DACH1: variants seen among roughly 807,000 people sequenced by gnomAD.
DACH1 encodes the protein dachshund homolog 1.
A neutral mutation model predicts 54.2 loss-of-function variants in DACH1; 12 were observed. The observed-to-expected ratio is 0.22, with a 90% CI of 0.14 to 0.36. DACH1 has a LOEUF of 0.36. Ranked by LOEUF, DACH1 falls within the 10% of genes least tolerant of loss-of-function variation. The pLI is 1.00. For synonymous variants in DACH1, 386 were observed against 366.2 expected, an observed-to-expected ratio of 1.05 and a Z score of -0.62; for missense variants, 805 against 929.8, an observed-to-expected ratio of 0.87 and a Z score of 1.75.
At chr13:71,619,269 A>ATGT (rs1876025154) in intron 3 of DACH1, among the ~76,000 whole-genome samples, 1 of 151,976 alleles carries the variant, frequency 6.6e-6, no homozygotes. Flanking sequence ...ATGTGTAACA[A>ATGT]ACACATTGAT....
chr13:71,466,904 C>T (rs1478503527), intron 10 of DACH1, among the ~76,000 whole-genome samples: 5 of 149,808 alleles, frequency 3.3e-5, no homozygotes. Flanking sequence ...ATCATTATGC[C>T]TAAATTTTCT....
chr13:71,681,992 G>C, intron 1 of DACH1, 82 bp from the exon 2 acceptor site: 1 of 746,026 alleles, frequency 1.3e-6, no homozygotes, highest in East Asian at 2.8e-5. Flanking sequence ...TGGTAACATG[G>C]ACTGTAAATA....
intron 1 of DACH1, among the ~76,000 whole-genome samples, chr13:71,704,961 AAAAAATAAAATAC>A (rs1363018284): frequency 6.6e-6 from 1 of 152,202 alleles, no homozygotes; most frequent in Non-Finnish European, 1.5e-5. Flanking sequence ...AAAATAATTA[AAAAAATAAAATAC>A]AAAAATAAAA....
intron 6 of DACH1, among the ~76,000 whole-genome samples, chr13:71,528,715 G>C (rs1435749057): frequency 6.6e-6 from 1 of 151,954 alleles, no homozygotes; most frequent in African/African-American, 2.4e-5. Flanking sequence ...TTCCCTTCAT[G>C]ATAGTTGTGT....
chr13:71,600,497 A>G (rs1874414611), intron 3 of DACH1, among the ~76,000 whole-genome samples: 1 of 152,032 alleles, frequency 6.6e-6, no homozygotes, highest in Non-Finnish European at 1.5e-5. Context: ...TTATATCCTT[A>G]TAATATATAT....
intron 2 of DACH1, among the ~76,000 whole-genome samples, chr13:71,676,216 G>T (rs1880557358): frequency 6.6e-6 from 1 of 151,928 alleles, no homozygotes; most frequent in Admixed American, 6.6e-5. Flanking sequence ...CAACATACAA[G>T]GCACAATTTT....
At chr13:71,855,360 G>A (rs950256311) in intron 1 of DACH1, among the ~76,000 whole-genome samples, 7 of 151,884 alleles carry the variant, frequency 4.6e-5, no homozygotes, top group African/African-American at 1.7e-4. Context: ...GATGTTTTTG[G>A]TGTATACAAC....
At chr13:71,524,495 A>G (rs1438588931) in intron 6 of DACH1, among the ~76,000 whole-genome samples, 2 of 152,146 alleles carry the variant, frequency 1.3e-5, no homozygotes, top group African/African-American at 4.8e-5. Flanking sequence ...GTCTTTCGAT[A>G]CTGTAATTCA....
At chr13:71,651,077 A>G (rs1244952001) in intron 2 of DACH1, among the ~76,000 whole-genome samples, 1 of 152,206 alleles carries the variant, frequency 6.6e-6, no homozygotes, top group Non-Finnish European at 1.5e-5. Context: ...AGCAAAATAC[A>G]GTTTTGGTAA....
chr13:71,439,521 G>A lies in DACH1; in HGVS notation c.*1134C>T, dbSNP rs572674858. On this transcript the variant is annotated 3_prime_UTR_variant, in exon 11 of 11. Coordinates refer to ENST00000613252, the MANE Select transcript of DACH1 (RefSeq NM_080759.6). ...TTCAGCAACATTAACATAATATGAC[G>A]TTAACATATAAAAATATTTCTGGTG... The A allele has an allele frequency of 1.2e-4, 19 of 152,510 alleles. No individual in the cohort carries two copies. Among genetic ancestry groups the A allele is most frequent in the South Asian group, 6.2e-4 (3 of 4,830 alleles). 9.4% of individuals were successfully genotyped at this position (152,510 alleles called of 1,614,324 possible).
intron 6 of DACH1, among the ~76,000 whole-genome samples, chr13:71,533,716 T>C (rs533243890): frequency 4.7e-4 from 71 of 151,772 alleles, no homozygotes; most frequent in Non-Finnish European, 7.8e-4. Flanking sequence ...TCTCTCTCTG[T>C]CTATCTCTCT....
intron 1 of DACH1, among the ~76,000 whole-genome samples, chr13:71,746,871 T>C (rs958156170): frequency 6.6e-6 from 1 of 152,200 alleles, no homozygotes; most frequent in Non-Finnish European, 1.5e-5. Flanking sequence ...TATTTTAAGA[T>C]ATACTAAAAA....
intron 6 of DACH1, among the ~76,000 whole-genome samples, chr13:71,545,761 T>A (rs929235087): frequency 4.6e-5 from 7 of 152,050 alleles, no homozygotes; most frequent in Admixed American, 3.3e-4. Flanking sequence ...TAATCACAAG[T>A]TTGAAATATA....
chr13:71,599,537 T>C (rs1874346165), intron 3 of DACH1, among the ~76,000 whole-genome samples: 1 of 152,088 alleles, frequency 6.6e-6, no homozygotes, highest in South Asian at 2.1e-4. Context: ...AGCTATATTG[T>C]CCACTTCTTG....
chr13:71,503,955 T>C (rs1257115001), intron 6 of DACH1, among the ~76,000 whole-genome samples: 1 of 152,182 alleles, frequency 6.6e-6, no homozygotes, highest in Non-Finnish European at 1.5e-5. Flanking sequence ...TATGTTTATG[T>C]CATTGTCAGC....
chr13:71,660,364 C>T lies in DACH1; in HGVS notation c.964+21431G>A, dbSNP rs116913555. Among the ~76,000 whole-genome samples, 1,075 of 152,166 alleles carry T rather than the reference C, an allele frequency of 7.1e-3. 10 individuals are homozygous for T. The highest frequency in any genetic ancestry group is 0.014 in the South Asian group (70 of 4,830). ...TTGAACATACAGCATGTCAATATTT[C>T]AGATCTGGCATATAAAATATGTATA... On this transcript the variant is annotated intron_variant, in intron 2 of 10. Transcript: ENST00000613252.
intron 6 of DACH1, among the ~76,000 whole-genome samples, chr13:71,514,677 T>C (rs1463687071): frequency 6.6e-6 from 1 of 151,876 alleles, no homozygotes; most frequent in Non-Finnish European, 1.5e-5. Flanking sequence ...ATCCTTTATG[T>C]TAGACAGAGT....
chr13:71,578,126 G>A (rs1885647489), intron 3 of DACH1, among the ~76,000 whole-genome samples: 2 of 152,108 alleles, frequency 1.3e-5, no homozygotes, highest in Admixed American at 1.3e-4. Flanking sequence ...ATACCTAGGT[G>A]ACATGTAACT....
chr13:71,604,705 T>C lies in DACH1; in HGVS notation c.1126+25851A>G, dbSNP rs1219629425. 1.3e-5 allele frequency among the ~76,000 whole-genome samples: 2 copies of C among 151,914 alleles called. 1 individual carries two copies. The highest frequency in any genetic ancestry group is 4.1e-4 in the South Asian group (2 of 4,834). On this transcript the variant is annotated intron_variant, in intron 3 of 10. Coordinates refer to ENST00000613252, the MANE Select transcript of DACH1 (RefSeq NM_080759.6). ...AGCCAATAGATGAACAGAGTAAAACTAGACACCTTAGAGAACCCAGGTGTC... is the reference window on the plus strand; with the variant it reads ...AGCCAATAGATGAACAGAGTAAAACCAGACACCTTAGAGAACCCAGGTGTC...
Sources: allele counts gnomAD v4.1 joint callset (sites outside exome capture counted in the v4.1 genomes callset), GRCh38; gene constraint gnomAD v4.1.1; transcripts MANE v1.5; gene names NCBI Gene and HGNC (gene_info 2026-07-23, HGNC 2026-07-21).